NOC3L: variants seen among roughly 807,000 people sequenced by gnomAD.
NOC3L encodes NOC3 like DNA replication regulator, also known as nucleolar complex protein 3 homolog.
In NOC3L, 85 loss-of-function variants were observed where a neutral mutation model predicts 102.5. That is an observed-to-expected ratio of 0.83 (90% CI 0.70 to 0.99). The LOEUF (loss-of-function observed/expected upper bound fraction) is 0.99. Ranked by LOEUF, NOC3L falls within the 50% of genes least tolerant of loss-of-function variation. The pLI is 0.00. For missense variants in NOC3L, 878 were observed against 914.9 expected, an observed-to-expected ratio of 0.96 and a Z score of 0.52; for synonymous variants, 303 against 309.4, an observed-to-expected ratio of 0.98 and a Z score of 0.22.
chr10:94,317,478 A>G, the NOC3L span, among the ~76,000 whole-genome samples: 1 of 152,228 alleles, frequency 6.6e-6, no homozygotes, highest in African/African-American at 2.4e-5. Flanking sequence ...GGGATGACTG[A>G]CTTCCAGTTT....
intron 2 of NOC3L, among the ~76,000 whole-genome samples, chr10:94,360,639 T>C (rs34999028): frequency 0.14 from 20,579 of 152,178 alleles, 1,550 homozygotes; most frequent in Middle Eastern, 0.26. Context: ...TAGTATTTGA[T>C]AGATAGGATG....
chr10:94,348,844 A>T (rs540120514), intron 10 of NOC3L, among the ~76,000 whole-genome samples: 1 of 152,252 alleles, frequency 6.6e-6, no homozygotes, highest in East Asian at 1.9e-4. Flanking sequence ...AAATGTTCTC[A>T]ACACTGACTG....
At chr10:94,325,627 A>T in the NOC3L span, 1 of 151,848 alleles carries the variant, frequency 6.6e-6, no homozygotes, top group African/African-American at 2.4e-5. Flanking sequence ...AAAAATATAT[A>T]TATGTAACTT....
At chr10:94,322,029 C>T in the NOC3L span, 86 of 1,614,002 alleles carry the variant, frequency 5.3e-5, no homozygotes, top group Middle Eastern at 1.8e-3. Context: ...AAGCACCCCG[C>T]GTCAGCACTG....
At chr10:94,345,599 TC>T (rs2054333582) in intron 11 of NOC3L, among the ~76,000 whole-genome samples, 1 of 152,190 alleles carries the variant, frequency 6.6e-6, no homozygotes, top group Non-Finnish European at 1.5e-5. Flanking sequence ...CCTCACCTCA[TC>T]TATACACATG....
chr10:94,361,580 A>G (rs570095136), intron 2 of NOC3L, 85 bp downstream of exon 2: 3 of 1,325,394 alleles, frequency 2.3e-6, no homozygotes, highest in South Asian at 1.2e-5. Context: ...AAGAAAAGCG[A>G]TTACTAGAAA....
intron 10 of NOC3L, 64 bp from the exon 11 acceptor site, chr10:94,346,620 A>G: frequency 2.1e-6 from 2 of 957,950 alleles, no homozygotes; most frequent in Non-Finnish European, 2.9e-6. Context: ...AAAACTTTAC[A>G]TAGAAAAGCA....
intron 6 of NOC3L, among the ~76,000 whole-genome samples, chr10:94,354,549 A>G (rs1032608430): frequency 6.6e-6 from 1 of 152,186 alleles, no homozygotes; most frequent in African/African-American, 2.4e-5. Flanking sequence ...TTCACTTAAA[A>G]TATTTTCAAC....
chr10:94,337,775 A>C lies in NOC3L; in HGVS notation c.2189+2T>G. 6.3e-7 allele frequency: 1 copy of C among 1,598,778 alleles called. No individual in the cohort carries two copies. The highest frequency in any genetic ancestry group is 8.6e-7 in the Non-Finnish European group (1 of 1,166,492). Reference sequence around the variant, plus strand: ...TTAGAATAAGGCAATGCTAAATATTACCTTCGACTCAACTCTGGTTTGAGT... The same window carrying C: ...TTAGAATAAGGCAATGCTAAATATTCCCTTCGACTCAACTCTGGTTTGAGT... On this transcript the variant is annotated splice_donor_variant, in intron 19 of 20. Coordinates refer to ENST00000371361, the MANE Select transcript of NOC3L (RefSeq NM_022451.11). LOFTEE classifies it high-confidence loss of function.
intron 8 of NOC3L, among the ~76,000 whole-genome samples, chr10:94,350,987 T>A (rs914839123): frequency 6.6e-6 from 1 of 152,070 alleles, no homozygotes; most frequent in African/African-American, 2.4e-5. Flanking sequence ...AATCTGAATA[T>A]ATATAATATA....
intron 8 of NOC3L, among the ~76,000 whole-genome samples, chr10:94,351,036 ATTT>A (rs540008007): frequency 6.6e-6 from 1 of 151,816 alleles, no homozygotes; most frequent in Non-Finnish European, 1.5e-5. Context: ...GTGTGTCTGC[ATTT>A]TTTTTAAATG....
At chr10:94,340,719 C>T (rs886517905) in intron 14 of NOC3L, among the ~76,000 whole-genome samples, 27 of 152,042 alleles carry the variant, frequency 1.8e-4, no homozygotes, top group Admixed American at 6.5e-4. Context: ...CGGTGGCTCA[C>T]GCCTGCAATC....
chr10:94,358,842 ACTG>A (rs1417500031), intron 2 of NOC3L, among the ~76,000 whole-genome samples: 1 of 152,092 alleles, frequency 6.6e-6, no homozygotes, highest in African/African-American at 2.4e-5. Flanking sequence ...CCTCACTTAG[ACTG>A]CAAGATTATC....
intron 1 of NOC3L, 37 bp downstream of exon 1, chr10:94,362,793 C>CCTAGGCCGCGGCGACCGGGCTTT: frequency 6.2e-7 from 1 of 1,613,508 alleles, no homozygotes; most frequent in Non-Finnish European, 8.5e-7. Context: ...CCGAAGGGGC[C>CCTAGGCCGCGGCGACCGGGCTTT]CTAGGCCGCG....
At chr10:94,322,468 T>C in the NOC3L span, among the ~76,000 whole-genome samples, 1 of 151,950 alleles carries the variant, frequency 6.6e-6, no homozygotes, top group South Asian at 2.1e-4. Flanking sequence ...ATGGCTGACA[T>C]GGCAAAACCC....
chr10:94,325,494 C>CT, the NOC3L span: 2 of 198,952 alleles, frequency 1.0e-5, no homozygotes, highest in Non-Finnish European at 2.1e-5. Context: ...ACTGGGGAGG[C>CT]TGAGGCAGGA....
intron 8 of NOC3L, among the ~76,000 whole-genome samples, chr10:94,350,547 A>G (rs2054402322): frequency 6.6e-6 from 1 of 151,352 alleles, no homozygotes; most frequent in Non-Finnish European, 1.5e-5. Context: ...CATCTCTACT[A>G]ACATAAAAAA....
At chr10:94,347,260 T>C (rs2054355121) in intron 10 of NOC3L, among the ~76,000 whole-genome samples, 1 of 152,140 alleles carries the variant, frequency 6.6e-6, no homozygotes, top group South Asian at 2.1e-4. Flanking sequence ...AGCTGAGTAT[T>C]TGGGATTACA....
chr10:94,332,499 G>A (rs1205830439), downstream of NOC3L: 1 of 113,414 alleles, frequency 8.8e-6, no homozygotes, highest in African/African-American at 3.6e-5. Context: ...CAGGATATGT[G>A]TGTGCCTGTG....
Sources: allele counts gnomAD v4.1 joint callset (sites outside exome capture counted in the v4.1 genomes callset), GRCh38; gene constraint gnomAD v4.1.1; transcripts MANE v1.5; gene names NCBI Gene and HGNC (gene_info 2026-07-23, HGNC 2026-07-21).